The following ATG3 variants were observed in gnomAD, a reference collection of about 807,000 sequenced individuals.
ATG3 encodes the protein autophagy related 3.
A neutral mutation model predicts 50.7 loss-of-function variants in ATG3; 25 were observed. The ratio of observed to expected loss-of-function variants is 0.49; its 90% CI spans 0.36 to 0.69. ATG3 has a LOEUF of 0.69. Ranked by LOEUF, ATG3 falls within the 30% of genes least tolerant of loss-of-function variation. The probability of loss-of-function intolerance (pLI) is 0.00; values close to 1 mark genes in which losing one functional copy is unlikely to be tolerated. For missense variants in ATG3, 281 were observed against 376.0 expected (o/e 0.75, Z 2.09); for synonymous variants, 119 against 125.5 (o/e 0.95, Z 0.34).
intron 2 of ATG3, among the ~76,000 whole-genome samples, chr3:112,555,932 C>A (rs529587066): frequency 6.6e-6 from 1 of 152,196 alleles, no homozygotes; most frequent in Non-Finnish European, 1.5e-5. Context: ...CCAATGACCA[C>A]AGACTTTGCA....
chr3:112,560,603 C>A (rs1933831192), intron 1 of ATG3, among the ~76,000 whole-genome samples: 1 of 151,720 alleles, frequency 6.6e-6, no homozygotes, highest in Admixed American at 6.6e-5. Context: ...AAAAACTAAG[C>A]AAGAACTTCC....
chr3:112,554,364 G>C (rs1933608281), intron 2 of ATG3, among the ~76,000 whole-genome samples: 1 of 152,158 alleles, frequency 6.6e-6, no homozygotes, highest in African/African-American at 2.4e-5. Flanking sequence ...AACTGATCAA[G>C]GTACTTTGTA....
rs759271237 is a variant in ATG3, at chr3:112,548,592, T to C, written c.284A>G (p.Glu95Gly). 2.5e-6 allele frequency: 4 copies of C among 1,613,950 alleles called. No homozygotes were observed. The highest frequency in any genetic ancestry group is 3.4e-6 in the Non-Finnish European group (4 of 1,179,986). Residue 95 changes from glutamate to glycine, a missense_variant, in exon 5 of 12, where the codon GAA becomes GGA. Transcript: ENST00000283290. ...ACCATCATCTTCTTCAATGATAGCT[T>C]CCAATTCATCTGAATATTCCATCTG... is the stretch of plus-strand genomic sequence containing the variant. ...CKQMEYSDEL[E>G]AIIEEDDGDG...
rs760220790 is a variant in ATG3, at chr3:112,548,577, T to C, written c.299A>G (p.Glu100Gly). 1 of 1,614,042 alleles carries C rather than the reference T, an allele frequency of 6.2e-7. No homozygotes were observed. Among genetic ancestry groups the C allele is most frequent in the Non-Finnish European group, 8.5e-7 (1 of 1,179,952 alleles). ...YSDELEAIIE[E>G]DDGDGGWVDT... Reference sequence around the variant, plus strand: ...TACCCATCCGCCATCACCATCATCTTCTTCAATGATAGCTTCCAATTCATC... The same window carrying C: ...TACCCATCCGCCATCACCATCATCTCCTTCAATGATAGCTTCCAATTCATC... The change falls in exon 5 of 12, where the codon GAA becomes GGA. Residue 100 changes from glutamate to glycine, a missense_variant. Glu to Gly is a moderately conservative substitution (Grantham distance 98, BLOSUM62 -2). This residue lies in a region of ATG3 where 242 missense variants were observed against 305.0 expected (regional missense o/e 0.79). Coordinates refer to ENST00000283290, the MANE Select transcript of ATG3 (RefSeq NM_022488.5).
At chr3:112,550,127 A>C (rs1933489479) in intron 4 of ATG3, 65 bp downstream of exon 4, 2 of 1,216,970 alleles carry the variant, frequency 1.6e-6, no homozygotes, top group Non-Finnish European at 2.3e-6. Context: ...CAATAGAAAA[A>C]CCGAGAGCTT....
At chr3:112,552,592 T>C (rs769348916) in intron 3 of ATG3, among the ~76,000 whole-genome samples, 21 of 150,450 alleles carry the variant, frequency 1.4e-4, no homozygotes, top group Admixed American at 2.6e-4. Flanking sequence ...CATTTATTAA[T>C]GCCACAAACA....
intron 9 of ATG3, among the ~76,000 whole-genome samples, chr3:112,537,218 C>T (rs1334782871): frequency 6.6e-6 from 1 of 152,116 alleles, no homozygotes; most frequent in Non-Finnish European, 1.5e-5. Context: ...CTTTGTGGCT[C>T]ATCTTTTAGA....
intron 6 of ATG3, 52 bp from the exon 7 acceptor site, chr3:112,541,936 C>A (rs1559844134): frequency 1.4e-6 from 2 of 1,398,726 alleles, no homozygotes; most frequent in Non-Finnish European, 2.0e-6. Flanking sequence ...TTAATTTGAA[C>A]ACTGAACACC....
At chr3:112,540,677 G>A (rs1407074424) in intron 7 of ATG3, among the ~76,000 whole-genome samples, 1 of 151,312 alleles carries the variant, frequency 6.6e-6, no homozygotes, top group Non-Finnish European at 1.5e-5. Flanking sequence ...ATAGCTGAGG[G>A]AAAGAAAAAG....
At chr3:112,532,907 C>CT in intron 11 of ATG3, 127 bp from the exon 12 acceptor site, 1 of 1,309,056 alleles carries the variant, frequency 7.6e-7, no homozygotes, top group Non-Finnish European at 9.7e-7. Context: ...TAAATTAAGT[C>CT]TATTAAAGAA....
intron 5 of ATG3, 135 bp downstream of exon 5, chr3:112,548,398 T>G: frequency 1.3e-6 from 1 of 741,876 alleles, no homozygotes; most frequent in Non-Finnish European, 2.2e-6. Context: ...AAATTTGTCC[T>G]CCTGCTTTTT....
In ATG3 at chr3:112,560,404, T is replaced by C. The variant is rs185036517; in HGVS notation, c.72+1053A>G. Among the ~76,000 whole-genome samples, 10 of 152,294 alleles carry C rather than the reference T, an allele frequency of 6.6e-5. No homozygotes were observed. The East Asian group carries it at 1.9e-3, about 29-fold the overall frequency. ...GCTGGTTTATTTCTTACTTGGCCAA[T>C]AAGTTATTCTTTTAAAAGGAGCTTT... On this transcript the variant is annotated intron_variant, in intron 1 of 11. Coordinates refer to ENST00000283290, the MANE Select transcript of ATG3 (RefSeq NM_022488.5).
chr3:112,544,380 G>C (rs1933315534), intron 5 of ATG3, among the ~76,000 whole-genome samples: 1 of 152,172 alleles, frequency 6.6e-6, no homozygotes, highest in Admixed American at 6.5e-5. Flanking sequence ...GTTTGGCCAG[G>C]TGCGGTGGAT....
chr3:112,553,462 A>T, intron 2 of ATG3, 133 bp from the exon 3 acceptor site: 1 of 655,672 alleles, frequency 1.5e-6, no homozygotes. Flanking sequence ...AAAAATATAA[A>T]CAGCAACAAA....
rs965452900 is a variant in ATG3, at chr3:112,548,412, T to C, written c.343+121A>G. The C allele has an allele frequency of 1.8e-5, 15 of 843,748 alleles. No homozygotes were observed. In the Admixed American group the frequency reaches 3.2e-4, roughly 18 times the overall value. The allele number at this position is 843,748 out of a possible 1,614,324, so 52.3% of individuals were successfully genotyped here. ...AAAATTTGTCCTCCTGCTTTTTTCA[T>C]GTAAGTCTATTGGGACAAAACTATG... On this transcript the variant is annotated intron_variant, in intron 5 of 11. Coordinates refer to ENST00000283290, the MANE Select transcript of ATG3 (RefSeq NM_022488.5).
Position 112,541,802 on chromosome 3 carries a change from C to G in ATG3, c.475+1G>C. On this transcript the variant is annotated splice_donor_variant, in intron 7 of 11. Transcript: ENST00000283290. LOFTEE classifies it high-confidence loss of function. ...CTGAAGCAAATCTAGAACAGGAATACCTTCCATATCTGCAGCTTCTCCTTC... is the reference window on the plus strand; with the variant it reads ...CTGAAGCAAATCTAGAACAGGAATAGCTTCCATATCTGCAGCTTCTCCTTC... 1.2e-6 allele frequency: 2 copies of G among 1,607,000 alleles called. No homozygotes were observed.
intron 7 of ATG3, among the ~76,000 whole-genome samples, chr3:112,539,348 T>C (rs1933162459): frequency 1.3e-5 from 2 of 152,116 alleles, no homozygotes; most frequent in South Asian, 4.1e-4. Flanking sequence ...CTCCCTTCTC[T>C]CCTATCTGGA....
In ATG3 at chr3:112,561,438, C is replaced by A; in HGVS notation, c.72+19G>T. Reference sequence around the variant, plus strand: ...CGAGCATGTGCCTGACAGCTCCCGGCAACCCTGGCCTGGCTTACCTTGAGG... The same window carrying A: ...CGAGCATGTGCCTGACAGCTCCCGGAAACCCTGGCCTGGCTTACCTTGAGG... On this transcript the variant is annotated intron_variant, in intron 1 of 11. Coordinates refer to ENST00000283290, the MANE Select transcript of ATG3 (RefSeq NM_022488.5). The A allele has an allele frequency of 6.2e-7, 1 of 1,611,626 alleles. No homozygotes were observed. The highest frequency in any genetic ancestry group is 1.1e-5 in the South Asian group (1 of 91,032).
chr3:112,559,730 G>C (rs757237212), intron 1 of ATG3, among the ~76,000 whole-genome samples: 2 of 152,182 alleles, frequency 1.3e-5, no homozygotes, highest in Non-Finnish European at 2.9e-5. Flanking sequence ...ATAATAAAGA[G>C]ATCAGGTTAG....
Sources: allele counts gnomAD v4.1 joint callset (sites outside exome capture counted in the v4.1 genomes callset), GRCh38; gene constraint gnomAD v4.1.1; regional missense constraint gnomAD v4.1.1; transcripts MANE v1.5; gene names NCBI Gene and HGNC (gene_info 2026-07-23, HGNC 2026-07-21).